The following FGF12 variants were observed in gnomAD, a reference collection of about 807,000 sequenced individuals.
FGF12 encodes the protein fibroblast growth factor 12, also known as fibroblast growth factor 12B.
A neutral mutation model predicts 23.6 loss-of-function variants in FGF12; 14 were observed. The ratio of observed to expected loss-of-function variants is 0.59; its 90% CI spans 0.39 to 0.93. FGF12 has a LOEUF of 0.93. Ranked by LOEUF, FGF12 falls within the 40% of genes least tolerant of loss-of-function variation. The probability of loss-of-function intolerance (pLI) is 0.00; values close to 1 mark genes in which losing one functional copy is unlikely to be tolerated. For synonymous variants in FGF12, 62 were observed against 77.3 expected (o/e 0.80, Z 1.04); for missense variants, 175 against 217.8 (o/e 0.80, Z 1.24).
At chr3:192,322,956 AG>A (rs1430845458) in intron 4 of FGF12, among the ~76,000 whole-genome samples, 2 of 152,222 alleles carry the variant, frequency 1.3e-5, no homozygotes, top group Non-Finnish European at 2.9e-5. Context: ...AATGGCAGAC[AG>A]GTATATAAAA....
intron 2 of FGF12, among the ~76,000 whole-genome samples, chr3:192,575,931 G>A (rs1006602366): frequency 6.6e-6 from 1 of 151,870 alleles, no homozygotes; most frequent in East Asian, 1.9e-4. Context: ...TATGAAAAAG[G>A]TACTTGAAAA....
At chr3:192,371,290 C>T (rs1719217603) in intron 2 of FGF12, among the ~76,000 whole-genome samples, 1 of 152,236 alleles carries the variant, frequency 6.6e-6, no homozygotes, top group African/African-American at 2.4e-5. Flanking sequence ...CGCGTGGCAG[C>T]ACATCTTCCA....
intron 4 of FGF12, among the ~76,000 whole-genome samples, chr3:192,300,267 A>G (rs1343901901): frequency 6.6e-6 from 1 of 152,220 alleles, no homozygotes; most frequent in African/African-American, 2.4e-5. Flanking sequence ...ATAATGATCT[A>G]CTTTAAATAT....
At chr3:192,421,138 A>C (rs1721515074) in intron 2 of FGF12, among the ~76,000 whole-genome samples, 1 of 152,178 alleles carries the variant, frequency 6.6e-6, no homozygotes, top group Non-Finnish European at 1.5e-5. Flanking sequence ...CTCCATGCAC[A>C]GTATTATCTT....
At chr3:192,198,067 C>A (rs1326403164) in intron 4 of FGF12, among the ~76,000 whole-genome samples, 2 of 149,490 alleles carry the variant, frequency 1.3e-5, no homozygotes, top group Non-Finnish European at 3.0e-5. Context: ...CAACAAACTT[C>A]TTAACTTTAT....
rs556598765 is a variant in FGF12, at chr3:192,148,009, A to T, written c.428-3882T>A. ...AGAAATTGAAACCCTATTCATTTCTACTTAAATGTAAAATGGCTCAGCCAC... is the reference window on the plus strand; with the variant it reads ...AGAAATTGAAACCCTATTCATTTCTTCTTAAATGTAAAATGGCTCAGCCAC... On this transcript the variant is annotated intron_variant, in intron 5 of 5. Transcript: ENST00000445105. Among the ~76,000 whole-genome samples the T allele has an allele frequency of 4.6e-4, 70 of 152,310 alleles. No homozygotes were observed. The Middle Eastern group carries it at 0.01, about 22-fold the overall frequency.
intron 2 of FGF12, among the ~76,000 whole-genome samples, chr3:192,498,250 C>T (rs1322445205): frequency 6.6e-6 from 1 of 152,222 alleles, no homozygotes; most frequent in Non-Finnish European, 1.5e-5. Context: ...TCCCTGGCTA[C>T]ACTATGAACT....
chr3:192,259,746 T>C (rs756054398), intron 4 of FGF12, among the ~76,000 whole-genome samples: 11 of 152,160 alleles, frequency 7.2e-5, no homozygotes, highest in Middle Eastern at 3.4e-3. Context: ...ACAATAAATA[T>C]GTTCTTACCA....
chr3:192,506,337 ATAGTT>A (rs1218988891), intron 2 of FGF12, among the ~76,000 whole-genome samples: 3 of 152,208 alleles, frequency 2.0e-5, no homozygotes, highest in African/African-American at 7.2e-5. Flanking sequence ...CAGTTAGAAC[ATAGTT>A]TATTCTTTTT....
intron 2 of FGF12, among the ~76,000 whole-genome samples, chr3:192,594,017 TTAGAG>T (rs1194856170): frequency 6.6e-6 from 1 of 151,908 alleles, no homozygotes; most frequent in Non-Finnish European, 1.5e-5. Context: ...AGCTTGTCGG[TTAGAG>T]TAAAGTTATG....
intron 2 of FGF12, among the ~76,000 whole-genome samples, chr3:192,501,579 T>G (rs61207343): frequency 6.6e-6 from 1 of 152,178 alleles, no homozygotes; most frequent in Non-Finnish European, 1.5e-5. Flanking sequence ...AATAGAATAT[T>G]TCCAGCTGAG....
At chr3:192,170,378 C>A in intron 5 of FGF12, 80 bp downstream of exon 5, 2 of 1,202,806 alleles carry the variant, frequency 1.7e-6, no homozygotes, top group African/African-American at 3.0e-5. Context: ...GGCAAACTCT[C>A]TGGACCAAAA....
intron 4 of FGF12, among the ~76,000 whole-genome samples, chr3:192,244,302 T>A (rs1004399993): frequency 6.6e-6 from 1 of 152,124 alleles, no homozygotes; most frequent in Admixed American, 6.6e-5. Context: ...TTCAGAAATA[T>A]GGGACTGATG....
chr3:192,607,984 AT>A (rs1182113342), intron 2 of FGF12, among the ~76,000 whole-genome samples: 1 of 152,086 alleles, frequency 6.6e-6, no homozygotes, highest in African/African-American at 2.4e-5. Flanking sequence ...TATTGTGCCC[AT>A]TTTACAGATG....
At chr3:192,727,101 C>A in intron 2 of FGF12, 80 bp downstream of exon 2, 1 of 1,515,612 alleles carries the variant, frequency 6.6e-7, no homozygotes, top group Non-Finnish European at 9.0e-7. Context: ...GCTCCCCAAG[C>A]ACTGCAGTCC....
At chr3:192,158,372 T>TTC (rs1553844106) in intron 5 of FGF12, among the ~76,000 whole-genome samples, 4 of 121,640 alleles carry the variant, frequency 3.3e-5, no homozygotes, top group East Asian at 2.2e-4. Flanking sequence ...CTTTCTTTCT[T>TTC]TCTTTCTTTC....
chr3:192,635,897 A>G (rs915926988), intron 2 of FGF12, among the ~76,000 whole-genome samples: 1 of 152,194 alleles, frequency 6.6e-6, no homozygotes. Flanking sequence ...TCGTTTGGTC[A>G]TCAAGTCTTA....
Position 192,408,388 on chromosome 3 carries a change from T to G in FGF12, c.14-47850A>C. The G allele has an allele frequency of 1.4e-6, 2 of 1,419,026 alleles. No individual in the cohort carries two copies. The highest frequency in any genetic ancestry group is 3.1e-5 in the South Asian group (2 of 65,434). 87.9% of individuals were successfully genotyped at this position (1,419,026 alleles called of 1,614,324 possible). On this transcript the variant is annotated intron_variant, in intron 2 of 5. Coordinates refer to ENST00000445105, the MANE Select transcript of FGF12 (RefSeq NM_004113.6). This position sits in a 1 kb window ranked among gnomAD's most constrained non-coding sequence, Gnocchi z 7.3. ...ATCGAAAACCCGGCGCTCACAAGGT[T>G]AGTCAAAGTCTGGGCAGTGGCGACA...
At chr3:192,158,074 A>G (rs1714527763) in intron 5 of FGF12, among the ~76,000 whole-genome samples, 1 of 152,190 alleles carries the variant, frequency 6.6e-6, no homozygotes, top group African/African-American at 2.4e-5. Flanking sequence ...ACAGTTGAGT[A>G]TGTGTAAATA....
Sources: allele counts gnomAD v4.1 joint callset (sites outside exome capture counted in the v4.1 genomes callset), GRCh38; gene constraint gnomAD v4.1.1; non-coding constraint Gnocchi (gnomAD v3.1); transcripts MANE v1.5; gene names NCBI Gene and HGNC (gene_info 2026-07-23, HGNC 2026-07-21).